Variants in DPF3 observed in about 807,000 individuals in gnomAD.
DPF3 encodes zinc finger protein DPF3.
In DPF3, 18 loss-of-function variants were observed where a neutral mutation model predicts 56.8. The observed-to-expected ratio is 0.32, with a 90% CI of 0.22 to 0.47. The LOEUF (loss-of-function observed/expected upper bound fraction) is 0.47, where lower values mean the gene tolerates loss of function less well. DPF3 is among the 20% of genes least tolerant of loss of function. The pLI, the probability that DPF3 is intolerant of heterozygous loss-of-function variation, is 1.00. For synonymous variants in DPF3, 188 were observed against 180.2 expected (o/e 1.04, Z -0.35); for missense variants, 403 against 488.8 (o/e 0.82, Z 1.65).
At chr14:72,652,619 G>A (rs1885946741) in intron 8 of DPF3, among the ~76,000 whole-genome samples, 1 of 152,152 alleles carries the variant, frequency 6.6e-6, no homozygotes, top group African/African-American at 2.4e-5. Flanking sequence ...AGGACTGCCT[G>A]CAATAGCCCT....
chr14:72,737,490 G>A (rs1043935645), intron 3 of DPF3, among the ~76,000 whole-genome samples: 3 of 152,114 alleles, frequency 2.0e-5, no homozygotes, highest in Non-Finnish European at 4.4e-5. Context: ...AAATGCAAAC[G>A]CCACGAATGT....
intron 3 of DPF3, among the ~76,000 whole-genome samples, chr14:72,735,246 G>A (rs1467372203): frequency 6.6e-6 from 1 of 152,090 alleles, no homozygotes; most frequent in East Asian, 1.9e-4. Context: ...TGAGGATGAG[G>A]GCAGGTTTGT....
chr14:72,857,884 G>A (rs1420627951), intron 1 of DPF3, among the ~76,000 whole-genome samples: 1 of 152,148 alleles, frequency 6.6e-6, no homozygotes, highest in Non-Finnish European at 1.5e-5. Context: ...ACCACGCCTG[G>A]CCTGCAAGGA....
At chr14:72,689,211 C>T (rs943811018) in intron 7 of DPF3, among the ~76,000 whole-genome samples, 14 of 152,054 alleles carry the variant, frequency 9.2e-5, no homozygotes, top group Admixed American at 8.5e-4. Context: ...AGCTGGGGGG[C>T]GATAGAGCAA....
intron 2 of DPF3, among the ~76,000 whole-genome samples, chr14:72,762,363 A>T (rs1448649358): frequency 2.6e-5 from 4 of 151,892 alleles, no homozygotes; most frequent in Non-Finnish European, 5.9e-5. Context: ...TTATCCTAGG[A>T]ATGTAATGTT....
intron 8 of DPF3, among the ~76,000 whole-genome samples, chr14:72,638,204 G>A (rs569007736): frequency 4.3e-4 from 66 of 152,172 alleles, no homozygotes; most frequent in Non-Finnish European, 8.1e-4. Flanking sequence ...TGCTTCTCTG[G>A]ATTTGTAGAT....
chr14:72,640,639 T>C (rs1885530998), intron 8 of DPF3, among the ~76,000 whole-genome samples: 1 of 152,020 alleles, frequency 6.6e-6, no homozygotes, highest in African/African-American at 2.4e-5. Flanking sequence ...GAGGCAGAAG[T>C]AAAAAATGGC....
chr14:72,677,525 C>T (rs777574315), intron 7 of DPF3, among the ~76,000 whole-genome samples: 4 of 152,146 alleles, frequency 2.6e-5, no homozygotes, highest in Non-Finnish European at 4.4e-5. Context: ...CTCCTCTCCC[C>T]GTTTCACATT....
chr14:72,615,341 A>G lies in DPF3; in HGVS notation c.*3956T>C, dbSNP rs185800833. Among the ~76,000 whole-genome samples, 1 of 152,352 alleles carries G rather than the reference A, an allele frequency of 6.6e-6. No homozygotes were observed. The highest frequency in any genetic ancestry group is 1.9e-4 in the East Asian group (1 of 5,186). On this transcript the variant is annotated 3_prime_UTR_variant, in exon 11 of 11. Coordinates refer to ENST00000556509, the MANE Select transcript of DPF3 (RefSeq NM_001280542.3). ...TTGCCAGCAACCTTTCTTCAGCGGC[A>G]TAAAAGAGCACAGGTCTCCTCCACT...
At chr14:72,800,671 C>A (rs538713424) in intron 1 of DPF3, among the ~76,000 whole-genome samples, 1 of 145,258 alleles carries the variant, frequency 6.9e-6, no homozygotes, top group Non-Finnish European at 1.5e-5. Context: ...CATGGATGAA[C>A]GGATGCATGG....
intron 1 of DPF3, among the ~76,000 whole-genome samples, chr14:72,802,423 C>T (rs1032686592): frequency 6.6e-6 from 1 of 152,146 alleles, no homozygotes; most frequent in African/African-American, 2.4e-5. Flanking sequence ...GAGTCCCTGT[C>T]TCTCAGACTG....
intron 8 of DPF3, among the ~76,000 whole-genome samples, chr14:72,654,861 G>A (rs1237075030): frequency 6.6e-6 from 1 of 152,166 alleles, no homozygotes; most frequent in Non-Finnish European, 1.5e-5. Flanking sequence ...CCAGTAACTG[G>A]AGGGTCATTA....
At chr14:72,808,243 C>T (rs1304841588) in intron 1 of DPF3, among the ~76,000 whole-genome samples, 1 of 152,142 alleles carries the variant, frequency 6.6e-6, no homozygotes, top group Admixed American at 6.5e-5. Flanking sequence ...AATGTAGGAC[C>T]ATCTGATGGA....
intron 2 of DPF3, among the ~76,000 whole-genome samples, chr14:72,755,906 C>T (rs1161848218): frequency 1.3e-5 from 2 of 152,302 alleles, no homozygotes; most frequent in South Asian, 2.1e-4. Context: ...CCTGGAGTTC[C>T]ACTTACAGAG....
intron 7 of DPF3, among the ~76,000 whole-genome samples, chr14:72,682,866 AC>A (rs1423566751): frequency 4.6e-5 from 7 of 152,136 alleles, no homozygotes; most frequent in Non-Finnish European, 1.0e-4. Context: ...AAGAGCAAAA[AC>A]CAAGGCTGCC....
At chr14:72,805,171 T>C (rs12878010) in intron 1 of DPF3, among the ~76,000 whole-genome samples, 109,998 of 151,994 alleles carry the variant, frequency 0.72, 40,026 homozygotes, top group East Asian at 0.79. Flanking sequence ...AACCTGCAGC[T>C]TCTAAAACTG....
At chr14:72,837,178 C>G (rs1420679968) in intron 1 of DPF3, among the ~76,000 whole-genome samples, 1 of 151,926 alleles carries the variant, frequency 6.6e-6, no homozygotes, top group African/African-American at 2.4e-5. Context: ...GCCAGAATCA[C>G]TTTTTCAGTA....
At chr14:72,684,061 C>T (rs922678324) in intron 7 of DPF3, among the ~76,000 whole-genome samples, 1 of 152,084 alleles carries the variant, frequency 6.6e-6, no homozygotes, top group Non-Finnish European at 1.5e-5. Context: ...TATATATTTT[C>T]TTAGAAACAA....
Position 72,894,080 on chromosome 14 carries a change from A to C in DPF3, c.9T>G (p.Thr3=), listed in dbSNP as rs769090716. 2 of 1,606,454 alleles carry C rather than the reference A, an allele frequency of 1.2e-6. No homozygotes were observed. The highest frequency in any genetic ancestry group is 2.7e-5 in the African/African-American group (2 of 73,346). ...ACGCTTTCAGGGGGTTGTGAATGAC[A>C]GTCGCCATTTTGCTACAATGTAACA... MA[T]VIHNPLKALG... The change falls in exon 1 of 11, where the codon ACT becomes ACG. Residue 3 remains threonine, a synonymous_variant. Coordinates refer to ENST00000556509, the MANE Select transcript of DPF3 (RefSeq NM_001280542.3).
Sources: gnomAD v4.1 joint callset for allele counts (sites outside exome capture counted in the v4.1 genomes callset) on GRCh38, gnomAD v4.1.1 for gene constraint, MANE v1.5 for transcripts, NCBI Gene and HGNC (gene_info 2026-07-23, HGNC 2026-07-21) for gene names.